The following GRID1 variants were observed in gnomAD, a reference collection of about 807,000 sequenced individuals.
GRID1 encodes the protein glutamate receptor ionotropic, delta-1.
In GRID1, 28 loss-of-function variants were observed where a neutral mutation model predicts 98.0. The observed-to-expected ratio is 0.29, with a 90% confidence interval of 0.21 to 0.39. GRID1 has a LOEUF of 0.39. GRID1 is among the 10% of genes least tolerant of loss of function. The pLI is 1.00. For missense variants in GRID1, 1,111 were observed against 1,340.5 expected (o/e 0.83, Z 2.67); for synonymous variants, 553 against 538.5 (o/e 1.03, Z -0.37).
chr10:85,974,723 G>C (rs960365807), intron 4 of GRID1, among the ~76,000 whole-genome samples: 1 of 152,148 alleles, frequency 6.6e-6, no homozygotes, highest in Non-Finnish European at 1.5e-5. Context: ...ATGGATGATG[G>C]ACATGTTGAA....
chr10:85,847,310 A>G (rs1466511892), intron 8 of GRID1, among the ~76,000 whole-genome samples: 1 of 152,220 alleles, frequency 6.6e-6, no homozygotes, highest in Non-Finnish European at 1.5e-5. Context: ...TTGAGATATG[A>G]AAAAGACCTG....
chr10:86,314,613 G>T (rs1248443899), intron 2 of GRID1, among the ~76,000 whole-genome samples: 1 of 152,208 alleles, frequency 6.6e-6, no homozygotes, highest in Non-Finnish European at 1.5e-5. Flanking sequence ...GAAGGACAGG[G>T]TCAGTGGGCT....
chr10:86,214,812 T>G (rs530887622), intron 2 of GRID1, among the ~76,000 whole-genome samples: 1 of 152,304 alleles, frequency 6.6e-6, no homozygotes, highest in Admixed American at 6.5e-5. Flanking sequence ...GAGGTTGCAG[T>G]AAGCCAAGAT....
chr10:85,740,183 C>T (rs904231897), intron 8 of GRID1, among the ~76,000 whole-genome samples: 2 of 152,124 alleles, frequency 1.3e-5, no homozygotes, highest in African/African-American at 4.8e-5. Flanking sequence ...TGGGACAAGC[C>T]AGGCTGGAAT....
intron 4 of GRID1, among the ~76,000 whole-genome samples, chr10:86,017,938 C>G (rs1322290925): frequency 6.6e-6 from 1 of 152,214 alleles, no homozygotes; most frequent in Non-Finnish European, 1.5e-5. Context: ...CTGAGCCCAA[C>G]AGACCATGCC....
At chr10:85,997,794 A>C (rs1056782337) in intron 4 of GRID1, among the ~76,000 whole-genome samples, 1 of 152,230 alleles carries the variant, frequency 6.6e-6, no homozygotes, top group Non-Finnish European at 1.5e-5. Context: ...TGAAAAAAAC[A>C]AGCAAACCAA....
intron 8 of GRID1, among the ~76,000 whole-genome samples, chr10:85,766,801 A>G (rs371427749): frequency 2.8e-4 from 41 of 145,314 alleles, no homozygotes; most frequent in African/African-American, 1.0e-3. Context: ...CAGGTTTTTC[A>G]TGTTTTTTAG....
rs1056989400 is a variant in GRID1, at chr10:86,206,982, C to T, written c.236-334G>A. The stretch of plus-strand genomic sequence containing the variant: ...ATCTGCCTGATTCACCCCCACTGAG[C>T]TGTAAAATTAGCCATCCTGTTTCCC... On this transcript the variant is annotated intron_variant, in intron 2 of 15. Coordinates refer to ENST00000327946, the MANE Select transcript of GRID1 (RefSeq NM_017551.3). The surrounding 1 kb of genome is among the most constrained non-coding windows in gnomAD (Gnocchi z 4.1). 5.3e-5 allele frequency among the ~76,000 whole-genome samples: 8 copies of T among 152,228 alleles called. No homozygotes were observed. The highest frequency in any genetic ancestry group is 1.0e-4 in the Non-Finnish European group (7 of 68,036).
intron 12 of GRID1, among the ~76,000 whole-genome samples, chr10:85,701,979 G>C (rs1194081400): frequency 6.6e-6 from 1 of 151,876 alleles, no homozygotes; most frequent in Non-Finnish European, 1.5e-5. Context: ...AGTACATGAA[G>C]ATATTTCCAA....
Position 85,884,087 on chromosome 10 carries a change from A to T in GRID1, c.781-14907T>A, listed in dbSNP as rs527549822. Among the ~76,000 whole-genome samples the T allele has an allele frequency of 1.4e-4, 22 of 152,326 alleles. No homozygotes were observed. In the East Asian group the frequency reaches 4.2e-3, roughly 29 times the overall value. On this transcript the variant is annotated intron_variant, in intron 5 of 15. Transcript: ENST00000327946. ...ACATGCAAGGCAAAAATTAAATCTGAAGCTCACATATTGCTGGGAGTTCCT... is the reference window on the plus strand; with the variant it reads ...ACATGCAAGGCAAAAATTAAATCTGTAGCTCACATATTGCTGGGAGTTCCT...
chr10:85,630,360 G>A (rs1303554750), intron 13 of GRID1, among the ~76,000 whole-genome samples: 1 of 152,146 alleles, frequency 6.6e-6, no homozygotes, highest in Admixed American at 6.5e-5. Flanking sequence ...AGACAGTGTG[G>A]AAAGTGCCTG....
chr10:86,207,654 C>T (rs180750544), intron 2 of GRID1, among the ~76,000 whole-genome samples: 8,404 of 92,548 alleles, frequency 0.091, 315 homozygotes, highest in Middle Eastern at 0.2. Flanking sequence ...TTTTTTGAGA[C>T]GGAGTTTCGC....
chr10:86,053,296 T>TA (rs1402861117), intron 4 of GRID1, among the ~76,000 whole-genome samples: 1 of 152,296 alleles, frequency 6.6e-6, no homozygotes, highest in South Asian at 2.1e-4. Context: ...TGTTGATTGA[T>TA]ATCTGAGATA....
At chr10:86,187,367 G>A (rs1011476079) in intron 3 of GRID1, among the ~76,000 whole-genome samples, 1 of 152,192 alleles carries the variant, frequency 6.6e-6, no homozygotes, top group Non-Finnish European at 1.5e-5. Context: ...CCTGAGACAT[G>A]GAGACATTGA....
intron 4 of GRID1, among the ~76,000 whole-genome samples, chr10:85,932,050 T>C (rs141630086): frequency 3.0e-4 from 45 of 152,318 alleles, no homozygotes; most frequent in African/African-American, 1.1e-3. Context: ...TAATTTTTCC[T>C]GGTTTGTACC....
At chr10:85,726,588 G>A (rs1182690579) in intron 10 of GRID1, among the ~76,000 whole-genome samples, 3 of 152,130 alleles carry the variant, frequency 2.0e-5, no homozygotes, top group Non-Finnish European at 4.4e-5. Flanking sequence ...CATAGAGGAC[G>A]CAGTATCAGA....
At chr10:85,924,632 AAGAG>A (rs550451146) in intron 4 of GRID1, among the ~76,000 whole-genome samples, 33 of 152,336 alleles carry the variant, frequency 2.2e-4, no homozygotes, top group South Asian at 6.2e-4. Flanking sequence ...AGTTCACTGG[AAGAG>A]AGAGTGTTCA....
intron 2 of GRID1, among the ~76,000 whole-genome samples, chr10:86,360,530 A>C (rs1235148281): frequency 1.3e-5 from 2 of 152,256 alleles, no homozygotes; most frequent in Non-Finnish European, 2.9e-5. Flanking sequence ...AGTAAGAGCT[A>C]AAAATGAAAA....
chr10:86,323,933 C>A (rs1444340089), intron 2 of GRID1, among the ~76,000 whole-genome samples: 5 of 152,204 alleles, frequency 3.3e-5, no homozygotes, highest in Non-Finnish European at 7.3e-5. Flanking sequence ...AATCCCAGCA[C>A]TTCGGGAGGC....
Sources: allele counts gnomAD v4.1 joint callset (sites outside exome capture counted in the v4.1 genomes callset), GRCh38; gene constraint gnomAD v4.1.1; non-coding constraint Gnocchi (gnomAD v3.1); transcripts MANE v1.5; gene names NCBI Gene and HGNC (gene_info 2026-07-23, HGNC 2026-07-21).